Variants in SPRR2D observed in about 807,000 individuals in gnomAD.
SPRR2D encodes small proline rich protein 2D.
For missense variants in SPRR2D, 81 were observed against 87.2 expected (o/e 0.93, Z 0.28); for synonymous variants, 43 against 32.8 (o/e 1.31, Z -1.06).
chr1:153,039,862 A>G lies in SPRR2D; in HGVS notation c.*266T>C. 1.6e-6 allele frequency: 1 copy of G among 629,898 alleles called. No individual in the cohort carries two copies. Among genetic ancestry groups the G allele is most frequent in the South Asian group, 2.4e-5 (1 of 41,790 alleles). The allele number at this position is 629,898 out of a possible 1,614,324, so 39.0% of individuals were successfully genotyped here. ...ATTGTCTGATGGTTCCCAGGGAGAG[A>G]GCTGCTGCTCTTTCTTCCGAAGCTC... On this transcript the variant is annotated 3_prime_UTR_variant, in exon 2 of 2. Coordinates refer to ENST00000360379, the MANE Select transcript of SPRR2D (RefSeq NM_006945.5).
In SPRR2D at chr1:153,040,303, G is replaced by A; in HGVS notation, c.44C>T (p.Pro15Leu). Residue 15 changes from proline (P) to leucine (L), a missense_variant, in exon 2 of 2, where the codon CCT becomes CTT. Transcript: ENST00000360379. Reference protein sequence around the residue: ...QQQCKQPCQPPPVCPTPKCPE... With the variant: ...QQQCKQPCQPLPVCPTPKCPE... ...GCACTTTGGCGTGGGGCACACAGGA[G>A]GTGGCTGGCAGGGCTGCTTGCACTG... is the stretch of plus-strand genomic sequence containing the variant. 1 of 1,612,222 alleles carries A rather than the reference G, an allele frequency of 6.2e-7. No homozygotes were observed. The highest frequency in any genetic ancestry group is 2.2e-5 in the East Asian group (1 of 44,878).
At position 153,040,268 on chromosome 1, in the gene SPRR2D, A is replaced by G; in HGVS notation, c.79T>C (p.Cys27Arg). Residue 27 changes from cysteine to arginine, a missense_variant, in exon 2 of 2, where the codon TGT becomes CGT. Coordinates refer to ENST00000360379, the MANE Select transcript of SPRR2D (RefSeq NM_006945.5). ...GGCTCAGGGCACTTCGGGGGTGGAC[A>G]TGGCTCTGGGCACTTTGGCGTGGGG... ...VCPTPKCPEP[C>R]PPPKCPEPCP... 3.1e-6 allele frequency: 5 copies of G among 1,612,504 alleles called. No homozygotes were observed. The highest frequency in any genetic ancestry group is 4.2e-6 in the Non-Finnish European group (5 of 1,179,838).
rs1025114157 is a variant in SPRR2D, at chr1:153,040,633, C to T, written c.-19-268G>A. The T allele has an allele frequency of 2.2e-5, 13 of 597,712 alleles. No homozygotes were observed. The African/African-American group carries it at 2.4e-4, about 11-fold the overall frequency. 37.0% of individuals were successfully genotyped at this position (597,712 alleles called of 1,614,324 possible). On this transcript the variant is annotated intron_variant, in intron 1 of 1. Transcript: ENST00000360379. ...AAGCATGTTATTTCTGTGAAAATAA[C>T]ATCTTTAGGAAAGGCAGTGACAAGT...
In SPRR2D at chr1:153,039,909, A is replaced by G; in HGVS notation, c.*219T>C. Reference sequence around the variant, plus strand: ...GCTCTGGGAGCTGGCACAGCTGAGGACTTCCTTTTCTTAGCTCCACCTGGA... The same window carrying G: ...GCTCTGGGAGCTGGCACAGCTGAGGGCTTCCTTTTCTTAGCTCCACCTGGA... On this transcript the variant is annotated 3_prime_UTR_variant, in exon 2 of 2. Transcript: ENST00000360379. 1 of 937,304 alleles carries G rather than the reference A, an allele frequency of 1.1e-6. No individual in the cohort carries two copies. Among genetic ancestry groups the G allele is most frequent in the South Asian group, 1.9e-5 (1 of 53,786 alleles). 58.1% of individuals were successfully genotyped at this position (937,304 alleles called of 1,614,324 possible).
At position 153,040,075 on chromosome 1, in the gene SPRR2D, G is replaced by A. The variant is rs867023762; in HGVS notation, c.*53C>T. ...GAAGATGCAAGTGGAGCTGTGGAAC[G>A]AGGTGAGCCAATTATCCTTATCCTC... On this transcript the variant is annotated 3_prime_UTR_variant, in exon 2 of 2. Coordinates refer to ENST00000360379, the MANE Select transcript of SPRR2D (RefSeq NM_006945.5). 7.6e-6 allele frequency: 12 copies of A among 1,578,194 alleles called. No individual in the cohort carries two copies. The highest frequency in any genetic ancestry group is 4.0e-5 in the African/African-American group (3 of 74,386).
Position 153,039,864 on chromosome 1 carries a change from C to A in SPRR2D, c.*264G>T, listed in dbSNP as rs1388386718. 2 of 638,542 alleles carry A rather than the reference C, an allele frequency of 3.1e-6. No homozygotes were observed. The highest frequency in any genetic ancestry group is 5.2e-6 in the Non-Finnish European group (2 of 382,108). 39.6% of individuals were successfully genotyped at this position (638,542 alleles called of 1,614,324 possible). A position where few individuals can be genotyped will look rare whatever the true frequency, so the allele number is the denominator to read the frequency against. On this transcript the variant is annotated 3_prime_UTR_variant, in exon 2 of 2. Coordinates refer to ENST00000360379, the MANE Select transcript of SPRR2D (RefSeq NM_006945.5). ...TGTCTGATGGTTCCCAGGGAGAGAG[C>A]TGCTGCTCTTTCTTCCGAAGCTCTG... is the stretch of plus-strand genomic sequence containing the variant.
chr1:153,040,003 G>T lies in SPRR2D; in HGVS notation c.*125C>A. ...ACAGATCATCACAGGCAGGCCACAG[G>T]TTAAGGAGAAAGAAGCTCCCTGTGC... On this transcript the variant is annotated 3_prime_UTR_variant, in exon 2 of 2. Coordinates refer to ENST00000360379, the MANE Select transcript of SPRR2D (RefSeq NM_006945.5). The T allele has an allele frequency of 6.6e-7, 1 of 1,510,162 alleles. No homozygotes were observed. Among genetic ancestry groups the T allele is most frequent in the Non-Finnish European group, 8.9e-7 (1 of 1,122,578 alleles). 93.5% of individuals were successfully genotyped at this position (1,510,162 alleles called of 1,614,324 possible).
At chr1:153,040,507 G>T (rs746370165) in intron 1 of SPRR2D, 142 bp from the exon 2 acceptor site, 37 of 1,392,106 alleles carry the variant, frequency 2.7e-5, no homozygotes, top group Non-Finnish European at 3.4e-5. Context: ...AGACTACTTC[G>T]TTTCTCCCTT....
chr1:153,039,990 A>T lies in SPRR2D; in HGVS notation c.*138T>A. 1 of 1,469,528 alleles carries T rather than the reference A, an allele frequency of 6.8e-7. No homozygotes were observed. The highest frequency in any genetic ancestry group is 9.2e-7 in the Non-Finnish European group (1 of 1,092,140). 91.0% of individuals were successfully genotyped at this position (1,469,528 alleles called of 1,614,324 possible). On this transcript the variant is annotated 3_prime_UTR_variant, in exon 2 of 2. Transcript: ENST00000360379. ...ATCTTTTGCTGTCACAGATCATCAC[A>T]GGCAGGCCACAGGTTAAGGAGAAAG... is the stretch of plus-strand genomic sequence containing the variant.
chr1:153,040,540 T>C, intron 1 of SPRR2D, 175 bp from the exon 2 acceptor site: 1 of 1,146,780 alleles, frequency 8.7e-7, no homozygotes, highest in African/African-American at 1.6e-5. Flanking sequence ...ATTGCTTCAT[T>C]GGCCCTGGGA....
chr1:153,040,905 A>G (rs1557901366), intron 1 of SPRR2D, 173 bp downstream of exon 1: 2 of 164,782 alleles, frequency 1.2e-5, no homozygotes, highest in African/African-American at 4.8e-5. Flanking sequence ...ACCTAACTGT[A>G]TACAAGAAAC....
chr1:153,040,547 G>C, intron 1 of SPRR2D, 182 bp from the exon 2 acceptor site: 2 of 1,076,534 alleles, frequency 1.9e-6, no homozygotes, highest in South Asian at 3.4e-5. Context: ...CATTGGCCCT[G>C]GGAAATCTTG....
In SPRR2D at chr1:153,040,072, A is replaced by G; in HGVS notation, c.*56T>C. On this transcript the variant is annotated 3_prime_UTR_variant, in exon 2 of 2. Coordinates refer to ENST00000360379, the MANE Select transcript of SPRR2D (RefSeq NM_006945.5). ...TGAGAAGATGCAAGTGGAGCTGTGG[A>G]ACGAGGTGAGCCAATTATCCTTATC... 1.3e-6 allele frequency: 2 copies of G among 1,574,590 alleles called. No homozygotes were observed. Among genetic ancestry groups the G allele is most frequent in the Non-Finnish European group, 1.7e-6 (2 of 1,159,686 alleles).
Position 153,040,636 on chromosome 1 carries a change from C to T in SPRR2D, c.-19-271G>A, listed in dbSNP as rs1330320291. ...CATGTTATTTCTGTGAAAATAACATCTTTAGGAAAGGCAGTGACAAGTTCA... is the reference window on the plus strand; with the variant it reads ...CATGTTATTTCTGTGAAAATAACATTTTTAGGAAAGGCAGTGACAAGTTCA... On this transcript the variant is annotated intron_variant, in intron 1 of 1. Coordinates refer to ENST00000360379, the MANE Select transcript of SPRR2D (RefSeq NM_006945.5). 106 of 589,908 alleles carry T rather than the reference C, an allele frequency of 1.8e-4. No homozygotes were observed. In the Admixed American group the frequency reaches 3.4e-3, roughly 19 times the overall value. The allele number at this position is 589,908 out of a possible 1,614,324, so 36.5% of individuals were successfully genotyped here.
At chr1:153,040,552 AT>A in intron 1 of SPRR2D, 187 bp from the exon 2 acceptor site, 1 of 1,052,596 alleles carries the variant, frequency 9.5e-7, no homozygotes, top group Non-Finnish European at 1.3e-6. Context: ...GCCCTGGGAA[AT>A]CTTGTGTTTT....
Position 153,040,274 on chromosome 1 carries a change from C to A in SPRR2D, c.73G>T (p.Glu25Ter). The change falls in exon 2 of 2, where the codon GAG (glutamate) becomes TAG (stop). Residue 25 changes from glutamate (E) to a stop codon, truncating the protein, a stop_gained. Coordinates refer to ENST00000360379, the MANE Select transcript of SPRR2D (RefSeq NM_006945.5). LOFTEE classifies it low-confidence loss of function (END_TRUNC). ...GGGCACTTCGGGGGTGGACATGGCT[C>A]TGGGCACTTTGGCGTGGGGCACACA... is the stretch of plus-strand genomic sequence containing the variant. The part of the protein sequence containing the change: ...PPVCPTPKCP[E>*]PCPPPKCPEP... The A allele has an allele frequency of 6.2e-7, 1 of 1,612,396 alleles. No individual in the cohort carries two copies. Among genetic ancestry groups the A allele is most frequent in the Non-Finnish European group, 8.5e-7 (1 of 1,179,852 alleles).
chr1:153,040,542 G>C (rs547868893), intron 1 of SPRR2D, 177 bp from the exon 2 acceptor site: 1 of 1,134,016 alleles, frequency 8.8e-7, no homozygotes, highest in East Asian at 2.6e-5. Flanking sequence ...TGCTTCATTG[G>C]CCCTGGGAAA....
Position 153,040,076 on chromosome 1 carries a change from A to C in SPRR2D, c.*52T>G. On this transcript the variant is annotated 3_prime_UTR_variant, in exon 2 of 2. Coordinates refer to ENST00000360379, the MANE Select transcript of SPRR2D (RefSeq NM_006945.5). ...AAGATGCAAGTGGAGCTGTGGAACG[A>C]GGTGAGCCAATTATCCTTATCCTCT... is the stretch of plus-strand genomic sequence containing the variant. 1 of 1,580,102 alleles carries C rather than the reference A, an allele frequency of 6.3e-7. No homozygotes were observed. Among genetic ancestry groups the C allele is most frequent in the Non-Finnish European group, 8.6e-7 (1 of 1,162,522 alleles).
chr1:153,040,533 G>T lies in SPRR2D; in HGVS notation c.-19-168C>A. ...TTTCTCCCTTCCACTTTAGCAAATT[G>T]CTTCATTGGCCCTGGGAAATCTTGT... On this transcript the variant is annotated intron_variant, in intron 1 of 1. Coordinates refer to ENST00000360379, the MANE Select transcript of SPRR2D (RefSeq NM_006945.5). 9 of 1,199,842 alleles carry T rather than the reference G, an allele frequency of 7.5e-6. No individual in the cohort carries two copies. The South Asian group carries it at 1.3e-4, about 17-fold the overall frequency. The allele number at this position is 1,199,842 out of a possible 1,614,324, so 74.3% of individuals were successfully genotyped here.
Sources: gnomAD v4.1 joint callset for allele counts on GRCh38, gnomAD v4.1.1 for gene constraint, MANE v1.5 for transcripts, NCBI Gene and HGNC (gene_info 2026-07-23, HGNC 2026-07-21) for gene names.